Variants in PTPRR observed in about 807,000 individuals in gnomAD.
PTPRR encodes receptor-type tyrosine-protein phosphatase R.
In PTPRR, 38 loss-of-function variants were observed where a neutral mutation model predicts 77.2. The ratio of observed to expected loss-of-function variants is 0.49; its 90% CI spans 0.38 to 0.65. The LOEUF (loss-of-function observed/expected upper bound fraction) is 0.65. PTPRR is among the 30% of genes least tolerant of loss of function. The pLI, the probability that PTPRR is intolerant of heterozygous loss-of-function variation, is 0.00. For synonymous variants in PTPRR, 299 were observed against 283.1 expected (o/e 1.06, Z -0.57); for missense variants, 744 against 799.2 (o/e 0.93, Z 0.83).
chr12:70,870,705 G>T (rs1892944528), intron 2 of PTPRR, among the ~76,000 whole-genome samples: 1 of 152,200 alleles, frequency 6.6e-6, no homozygotes, highest in South Asian at 2.1e-4. Context: ...TGTCCAATAT[G>T]TACACTGTGT....
intron 2 of PTPRR, among the ~76,000 whole-genome samples, chr12:70,860,205 T>TA (rs1310849862): frequency 1.3e-5 from 2 of 152,144 alleles, no homozygotes; most frequent in Non-Finnish European, 2.9e-5. Context: ...TCACTTTTAA[T>TA]AGAGTCAAAC....
At chr12:70,697,485 A>G (rs1303337362) in intron 8 of PTPRR, among the ~76,000 whole-genome samples, 1 of 152,154 alleles carries the variant, frequency 6.6e-6, no homozygotes, top group Admixed American at 6.6e-5. Context: ...ATGATTTGCA[A>G]ATATTTATTT....
intron 13 of PTPRR, among the ~76,000 whole-genome samples, chr12:70,651,279 A>G (rs1279886276): frequency 1.3e-5 from 2 of 152,258 alleles, no homozygotes; most frequent in African/African-American, 4.8e-5. Flanking sequence ...TGAAAAGAAC[A>G]GATCACTTCG....
chr12:70,673,799 A>G (rs888841564), intron 10 of PTPRR, among the ~76,000 whole-genome samples: 7 of 152,200 alleles, frequency 4.6e-5, no homozygotes, highest in Non-Finnish European at 7.3e-5. Flanking sequence ...AGTTGTTCAT[A>G]GTGTCCTCTT....
chr12:70,738,909 G>A (rs1170509126), intron 6 of PTPRR, among the ~76,000 whole-genome samples: 1 of 152,164 alleles, frequency 6.6e-6, no homozygotes, highest in Non-Finnish European at 1.5e-5. Flanking sequence ...TTATATATGT[G>A]GTAGTTACAG....
At position 70,698,353 on chromosome 12, in the gene PTPRR, C is replaced by A. The variant is rs1165784047; in HGVS notation, c.1195-4G>T. 6.2e-7 allele frequency: 1 copy of A among 1,609,656 alleles called. No individual in the cohort carries two copies. Among genetic ancestry groups the A allele is most frequent in the Admixed American group, 1.7e-5 (1 of 59,816 alleles). ...CCACAAAGTTCATTGGTATTTCCTG[C>A]AAAAATAAATAATATCAAATTAGTG... On this transcript the variant is annotated splice_polypyrimidine_tract_variant and splice_region_variant and intron_variant, in intron 7 of 13. Coordinates refer to ENST00000283228, the MANE Select transcript of PTPRR (RefSeq NM_002849.4).
In PTPRR at chr12:70,888,653, A is replaced by G. The variant is rs549702750; in HGVS notation, c.357+4026T>C. Among the ~76,000 whole-genome samples, 203 of 152,256 alleles carry G rather than the reference A, an allele frequency of 1.3e-3. 2 individuals are homozygous for G. Among genetic ancestry groups the G allele is most frequent in the African/African-American group, 4.6e-3 (191 of 41,552 alleles). ...AGTTTAGTATTTTGGACTTGGTATT[A>G]TATTATTTTGATCCCATATACCCTT... On this transcript the variant is annotated intron_variant, in intron 2 of 13. Transcript: ENST00000283228.
chr12:70,898,964 C>T (rs577899941), intron 1 of PTPRR, among the ~76,000 whole-genome samples: 1 of 151,396 alleles, frequency 6.6e-6, no homozygotes, highest in African/African-American at 2.4e-5. Flanking sequence ...CAAATAAATT[C>T]AACAATTTAG....
intron 2 of PTPRR, among the ~76,000 whole-genome samples, chr12:70,879,004 A>G (rs1045596789): frequency 1.3e-5 from 2 of 152,176 alleles, no homozygotes; most frequent in African/African-American, 4.8e-5. Context: ...TTGAAAGAAC[A>G]AAAAACCAAA....
intron 12 of PTPRR, among the ~76,000 whole-genome samples, chr12:70,658,788 T>G (rs946664294): frequency 6.8e-6 from 1 of 147,630 alleles, no homozygotes; most frequent in Non-Finnish European, 1.5e-5. Flanking sequence ...AAAATTCACA[T>G]AAGTTTACAT....
intron 2 of PTPRR, among the ~76,000 whole-genome samples, chr12:70,858,506 C>G (rs755030025): frequency 6.6e-6 from 1 of 152,036 alleles, no homozygotes; most frequent in Non-Finnish European, 1.5e-5. Flanking sequence ...TTATTCTGAT[C>G]CACCCAAGAT....
At position 70,746,092 on chromosome 12, in the gene PTPRR, G is replaced by C; in HGVS notation, c.739-6C>G. On this transcript the variant is annotated splice_polypyrimidine_tract_variant and splice_region_variant and intron_variant, in intron 5 of 13. Transcript: ENST00000283228. Reference sequence around the variant, plus strand: ...TCTTTTAATCTGTAAAGAATCTATAGAAGGAGATATAAAAAACTCCTGTCA... The same window carrying C: ...TCTTTTAATCTGTAAAGAATCTATACAAGGAGATATAAAAAACTCCTGTCA... 1.2e-6 allele frequency: 2 copies of C among 1,604,600 alleles called. No individual in the cohort carries two copies. The highest frequency in any genetic ancestry group is 1.7e-6 in the Non-Finnish European group (2 of 1,174,978).
At chr12:70,801,786 C>T (rs1891620555) in intron 2 of PTPRR, among the ~76,000 whole-genome samples, 1 of 151,488 alleles carries the variant, frequency 6.6e-6, no homozygotes, top group Non-Finnish European at 1.5e-5. Flanking sequence ...TCCCTCCCTC[C>T]CTCTCTATCT....
chr12:70,881,192 C>T (rs945394371), intron 2 of PTPRR, among the ~76,000 whole-genome samples: 2 of 152,188 alleles, frequency 1.3e-5, no homozygotes, highest in South Asian at 2.1e-4. Flanking sequence ...GGTTAAAAAC[C>T]GTAATTCTAG....
intron 13 of PTPRR, among the ~76,000 whole-genome samples, chr12:70,648,073 C>G (rs1886264585): frequency 6.6e-6 from 1 of 152,098 alleles, no homozygotes; most frequent in African/African-American, 2.4e-5. Flanking sequence ...CCCCCAAAAT[C>G]CAGAATTTAG....
chr12:70,823,301 A>T (rs1308143152), intron 2 of PTPRR, among the ~76,000 whole-genome samples: 1 of 152,148 alleles, frequency 6.6e-6, no homozygotes, highest in African/African-American at 2.4e-5. Flanking sequence ...AAACACATTG[A>T]CCCACAGTAC....
At chr12:70,750,702 C>T (rs896384089) in intron 5 of PTPRR, among the ~76,000 whole-genome samples, 6 of 152,034 alleles carry the variant, frequency 3.9e-5, no homozygotes, top group Non-Finnish European at 8.8e-5. Context: ...CTGTGTGCTG[C>T]GGGTTCCTCT....
intron 10 of PTPRR, among the ~76,000 whole-genome samples, chr12:70,665,647 C>A: frequency 6.6e-6 from 1 of 151,424 alleles, no homozygotes; most frequent in African/African-American, 2.4e-5. Context: ...CTCCCAAAGT[C>A]CTGGGATTAT....
chr12:70,857,035 T>C (rs1892664190), intron 2 of PTPRR, among the ~76,000 whole-genome samples: 1 of 152,160 alleles, frequency 6.6e-6, no homozygotes, highest in African/African-American at 2.4e-5. Flanking sequence ...CAAATGTCTA[T>C]GAAATGGTCA....
Sources: gnomAD v4.1 joint callset for allele counts (sites outside exome capture counted in the v4.1 genomes callset) on GRCh38, gnomAD v4.1.1 for gene constraint, MANE v1.5 for transcripts, NCBI Gene and HGNC (gene_info 2026-07-23, HGNC 2026-07-21) for gene names.